The following EPHB2 variants were observed in gnomAD, a reference collection of about 807,000 sequenced individuals.
The protein encoded by EPHB2 is EPH receptor B2, also known as ephrin type-B receptor 2.
A neutral mutation model predicts 96.4 loss-of-function variants in EPHB2; 18 were observed. The observed-to-expected ratio is 0.19, with a 90% CI of 0.13 to 0.28. The LOEUF (loss-of-function observed/expected upper bound fraction) is 0.28, where lower values mean the gene tolerates loss of function less well. Among genes scored for constraint, EPHB2 ranks in the 10% least tolerant of loss-of-function variants. EPHB2 has a pLI of 1.00. For missense variants in EPHB2, 989 were observed against 1,355.4 expected (o/e 0.73, Z 4.25); for synonymous variants, 506 against 534.1 (o/e 0.95, Z 0.72).
At chr1:22,742,405 C>T (rs1418573875) in intron 1 of EPHB2, among the ~76,000 whole-genome samples, 1 of 152,188 alleles carries the variant, frequency 6.6e-6, no homozygotes, top group Non-Finnish European at 1.5e-5. Context: ...TCCAGGTTCC[C>T]AGCTCCTGGA....
intron 3 of EPHB2, among the ~76,000 whole-genome samples, chr1:22,861,904 G>A (rs1042370095): frequency 1.1e-4 from 16 of 152,206 alleles, no homozygotes; most frequent in African/African-American, 3.6e-4. Context: ...ATGTACTCCC[G>A]GTGAGGGCCT....
At chr1:22,721,705 T>C (rs1161373596) in intron 1 of EPHB2, among the ~76,000 whole-genome samples, 2 of 152,010 alleles carry the variant, frequency 1.3e-5, no homozygotes, top group Admixed American at 1.3e-4. Flanking sequence ...AGCCTTGACC[T>C]CCTGGGCTCA....
rs139931916 is a variant in EPHB2, at chr1:22,882,750, C to T, written c.1428+267C>T. On this transcript the variant is annotated intron_variant, in intron 6 of 15. Coordinates refer to ENST00000374630, the MANE Select transcript of EPHB2 (RefSeq NM_017449.5). ...CAATCTCAGTGAAATGCAACAGTCA[C>T]ATCCCTTTCCCTACCACGACCCTTT... 1,581 of 424,388 alleles carry T rather than the reference C, an allele frequency of 3.7e-3. 11 individuals are homozygous for T. Among genetic ancestry groups the T allele is most frequent in the Non-Finnish European group, 4.8e-3 (1,095 of 225,854 alleles). The allele number at this position is 424,388 out of a possible 1,614,324, so 26.3% of individuals were successfully genotyped here.
chr1:22,718,501 T>C (rs1192228071), intron 1 of EPHB2, among the ~76,000 whole-genome samples: 1 of 149,482 alleles, frequency 6.7e-6, no homozygotes, highest in Non-Finnish European at 1.5e-5. Flanking sequence ...TTTTCCTGCC[T>C]CAGCCTCCCT....
intron 1 of EPHB2, among the ~76,000 whole-genome samples, chr1:22,723,501 C>T (rs921509263): frequency 2.2e-4 from 33 of 152,216 alleles, no homozygotes; most frequent in Non-Finnish European, 4.3e-4. Flanking sequence ...CTGGCTGGCC[C>T]GGAAGCACAG....
chr1:22,842,748 T>C (rs1189168681), intron 3 of EPHB2, among the ~76,000 whole-genome samples: 1 of 152,158 alleles, frequency 6.6e-6, no homozygotes, highest in Non-Finnish European at 1.5e-5. Flanking sequence ...AGCCTGAAAC[T>C]GAGCCCCAGG....
At chr1:22,905,230 CA>C (rs1184562323) in intron 9 of EPHB2, among the ~76,000 whole-genome samples, 3 of 151,948 alleles carry the variant, frequency 2.0e-5, no homozygotes, top group Non-Finnish European at 4.4e-5. Context: ...AGAGGGAGAA[CA>C]AAAAATAATA....
chr1:22,784,803 G>A lies in EPHB2; in HGVS notation c.538G>A (p.Asp180Asn). The stretch of plus-strand genomic sequence containing the variant: ...CAGCGGCTTCTACCTGGCCTTCCAG[G>A]ACTATGGCGGCTGCATGTCCCTCAT... ...SRSGFYLAFQ[D>N]YGGCMSLIAV... The change falls in exon 3 of 16, where the codon GAC becomes AAC. Residue 180 changes from aspartate to asparagine, a missense_variant. Physicochemically the swap from Asp to Asn is conservative, Grantham distance 23. Coordinates refer to ENST00000374630, the MANE Select transcript of EPHB2 (RefSeq NM_017449.5). This position sits in a 1 kb window ranked among gnomAD's most constrained non-coding sequence, Gnocchi z 5.1. 1 of 1,603,518 alleles carries A rather than the reference G, an allele frequency of 6.2e-7. No homozygotes were observed. Among genetic ancestry groups the A allele is most frequent in the Non-Finnish European group, 8.5e-7 (1 of 1,173,330 alleles).
chr1:22,911,500 T>C (rs1199381318), intron 14 of EPHB2, among the ~76,000 whole-genome samples: 1 of 152,172 alleles, frequency 6.6e-6, no homozygotes, highest in Non-Finnish European at 1.5e-5. Flanking sequence ...TCCCCATGCC[T>C]GAGAGACGGG....
At chr1:22,752,370 A>C (rs1189924520) in intron 1 of EPHB2, among the ~76,000 whole-genome samples, 1 of 152,042 alleles carries the variant, frequency 6.6e-6, no homozygotes, top group Non-Finnish European at 1.5e-5. Context: ...GGTGGTGTGC[A>C]CCTGTTATCC....
intron 1 of EPHB2, among the ~76,000 whole-genome samples, chr1:22,764,575 G>A (rs1316388713): frequency 4.6e-5 from 7 of 151,940 alleles, no homozygotes; most frequent in South Asian, 2.1e-4. Context: ...GTGAAACCCC[G>A]TCTCTACTAA....
At chr1:22,780,339 C>G (rs2817905) in intron 1 of EPHB2, among the ~76,000 whole-genome samples, 3,692 of 152,208 alleles carry the variant, frequency 0.024, 173 homozygotes, top group African/African-American at 0.084. Context: ...CCAGGATGGT[C>G]CAGGTGCTGA....
chr1:22,909,165 C>G lies in EPHB2; in HGVS notation c.2496C>G (p.Asn832Lys). The G allele has an allele frequency of 6.2e-7, 1 of 1,614,202 alleles. No homozygotes were observed. The part of the protein sequence containing the change: ...YGERPYWDMT[N>K]QDVINAIEQD... ...AGCGGCCCTACTGGGACATGACCAA[C>G]CAGGATGTAAGTCTCCAAGGGGATA... The change falls in exon 13 of 16, where the codon AAC becomes AAG. Residue 832 changes from asparagine (N) to lysine (K), a missense_variant. Physicochemically the swap from Asn to Lys is moderately conservative, Grantham distance 94. Transcript: ENST00000374630.
At chr1:22,718,093 CAG>C (rs1229942002) in intron 1 of EPHB2, among the ~76,000 whole-genome samples, 2 of 152,160 alleles carry the variant, frequency 1.3e-5, no homozygotes, top group East Asian at 1.9e-4. Context: ...AGTAGGGGAA[CAG>C]GGGGCCAGTG....
chr1:22,724,111 C>T (rs185301169), intron 1 of EPHB2, among the ~76,000 whole-genome samples: 2 of 152,322 alleles, frequency 1.3e-5, no homozygotes, highest in East Asian at 1.9e-4. Context: ...TTCAAACATA[C>T]AGAGAGGTTG....
intron 1 of EPHB2, among the ~76,000 whole-genome samples, chr1:22,756,514 C>A (rs950690688): frequency 1.4e-4 from 21 of 152,156 alleles, no homozygotes; most frequent in African/African-American, 4.6e-4. Flanking sequence ...ATCTGGGAGT[C>A]TCCGGAGGGT....
At chr1:22,910,694 C>T in intron 14 of EPHB2, 119 bp downstream of exon 14, 1 of 1,319,706 alleles carries the variant, frequency 7.6e-7, no homozygotes, top group Non-Finnish European at 1.1e-6. Flanking sequence ...TGGGGAAGGA[C>T]AGGACTAGTG....
intron 1 of EPHB2, among the ~76,000 whole-genome samples, chr1:22,714,905 G>A (rs1035276014): frequency 3.9e-5 from 6 of 152,272 alleles, no homozygotes; most frequent in African/African-American, 1.4e-4. Context: ...ACCCAGTTCT[G>A]CTTCTTTCCA....
At chr1:22,894,279 C>G (rs1386691060) in intron 7 of EPHB2, among the ~76,000 whole-genome samples, 1 of 152,154 alleles carries the variant, frequency 6.6e-6, no homozygotes, top group Non-Finnish European at 1.5e-5. Flanking sequence ...TCAGCAAGTT[C>G]CTGTTCTGGT....
Sources: gnomAD v4.1 joint callset for allele counts (sites outside exome capture counted in the v4.1 genomes callset) on GRCh38, gnomAD v4.1.1 for gene constraint, Gnocchi (gnomAD v3.1) non-coding constraint, MANE v1.5 for transcripts, NCBI Gene and HGNC (gene_info 2026-07-23, HGNC 2026-07-21) for gene names.